Variants in EPHA3 observed in about 807,000 individuals in gnomAD.
The protein encoded by EPHA3 is ephrin type-A receptor 3.
Under a neutral mutation model 107.1 loss-of-function variants are expected in EPHA3, and 42 were observed. That is an observed-to-expected ratio of 0.39 (90% confidence interval 0.31 to 0.51). The LOEUF is 0.51. Ranked by LOEUF, EPHA3 falls within the 20% of genes least tolerant of loss-of-function variation. The probability of loss-of-function intolerance (pLI) is 0.78; values close to 1 mark genes in which losing one functional copy is unlikely to be tolerated. For synonymous variants in EPHA3, 461 were observed against 424.8 expected, an observed-to-expected ratio of 1.09 and a Z score of -1.05; for missense variants, 1,183 against 1,211.2, an observed-to-expected ratio of 0.98 and a Z score of 0.35.
chr3:89,330,249 C>T (rs1001449543), intron 3 of EPHA3, among the ~76,000 whole-genome samples: 2 of 151,746 alleles, frequency 1.3e-5, no homozygotes, highest in South Asian at 2.1e-4. Context: ...AAAAACAGAC[C>T]CTAAAATTAC....
chr3:89,118,174 T>C (rs1480801923), intron 1 of EPHA3, among the ~76,000 whole-genome samples: 2 of 152,060 alleles, frequency 1.3e-5, no homozygotes, highest in Non-Finnish European at 2.9e-5. Context: ...TTTATTATAG[T>C]GTTCTTGACA....
At chr3:89,312,571 T>C (rs1373323653) in intron 3 of EPHA3, among the ~76,000 whole-genome samples, 1 of 151,926 alleles carries the variant, frequency 6.6e-6, no homozygotes, top group Non-Finnish European at 1.5e-5. Flanking sequence ...ATACCCGTTA[T>C]AGTTTCTTTT....
intron 3 of EPHA3, among the ~76,000 whole-genome samples, chr3:89,246,027 T>C (rs968569641): frequency 1.3e-5 from 2 of 152,224 alleles, no homozygotes; most frequent in African/African-American, 4.8e-5. Context: ...CAAGTTCCTC[T>C]TTAATTTTTT....
chr3:89,419,380 T>C lies in EPHA3; in HGVS notation c.2064T>C (p.Val688=). ...DHPNIIRLEG[V]VTKSKPVMIV... ...CCAATATCATTCGACTGGAAGGAGT[T>C]GTTACCAAAAGTAAGTAAAGTAGTC... Residue 688 remains valine (V), a synonymous_variant, in exon 11 of 17, where the codon GTT becomes GTC. Transcript: ENST00000336596. 1.3e-6 allele frequency: 2 copies of C among 1,589,398 alleles called. No individual in the cohort carries two copies. The highest frequency in any genetic ancestry group is 1.7e-6 in the Non-Finnish European group (2 of 1,168,902).
At chr3:89,205,559 C>G (rs1170135179) in intron 2 of EPHA3, among the ~76,000 whole-genome samples, 3 of 152,058 alleles carry the variant, frequency 2.0e-5, no homozygotes, top group Non-Finnish European at 4.4e-5. Flanking sequence ...ATACAAGGAA[C>G]CCTATGTGGT....
At chr3:89,428,263 G>A (rs1709495984) in intron 11 of EPHA3, among the ~76,000 whole-genome samples, 1 of 151,966 alleles carries the variant, frequency 6.6e-6, no homozygotes, top group African/African-American at 2.4e-5. Context: ...CTTGTTAGAT[G>A]TATGATGACC....
At chr3:89,279,201 A>G (rs1211862855) in intron 3 of EPHA3, among the ~76,000 whole-genome samples, 1 of 152,138 alleles carries the variant, frequency 6.6e-6, no homozygotes, top group African/African-American at 2.4e-5. Context: ...TTTTTAATTA[A>G]CATACATACA....
At chr3:89,415,619 T>C (rs991249232) in intron 10 of EPHA3, among the ~76,000 whole-genome samples, 1 of 150,800 alleles carries the variant, frequency 6.6e-6, no homozygotes, top group African/African-American at 2.4e-5. Context: ...TTAAGACATA[T>C]GAATTAGCTT....
intron 3 of EPHA3, among the ~76,000 whole-genome samples, chr3:89,210,823 G>A (rs1704054119): frequency 6.6e-6 from 1 of 152,038 alleles, no homozygotes; most frequent in Non-Finnish European, 1.5e-5. Context: ...AGACCACCTG[G>A]AAGAAAAACA....
intron 10 of EPHA3, among the ~76,000 whole-genome samples, chr3:89,417,681 T>C (rs186304822): frequency 2.4e-4 from 37 of 151,548 alleles, no homozygotes; most frequent in African/African-American, 7.7e-4. Context: ...CCTGATTCTT[T>C]CTGTATCCTA....
At chr3:89,183,358 A>G (rs1237945114) in intron 2 of EPHA3, among the ~76,000 whole-genome samples, 1 of 151,894 alleles carries the variant, frequency 6.6e-6, no homozygotes, top group Non-Finnish European at 1.5e-5. Context: ...ATAGTCCTGG[A>G]TGGTGCTTTG....
chr3:89,160,738 A>T (rs1704917794), intron 2 of EPHA3, among the ~76,000 whole-genome samples: 1 of 152,066 alleles, frequency 6.6e-6, no homozygotes, highest in Non-Finnish European at 1.5e-5. Context: ...CTCTTTGGCA[A>T]CTGCTTTCCA....
At chr3:89,325,921 T>G (rs1412461431) in intron 3 of EPHA3, among the ~76,000 whole-genome samples, 1 of 151,204 alleles carries the variant, frequency 6.6e-6, no homozygotes, top group Non-Finnish European at 1.5e-5. Context: ...TTATATACAG[T>G]TAAGATATTA....
At chr3:89,326,346 G>A (rs1707166384) in intron 3 of EPHA3, among the ~76,000 whole-genome samples, 1 of 152,064 alleles carries the variant, frequency 6.6e-6, no homozygotes, top group Non-Finnish European at 1.5e-5. Flanking sequence ...ATATTATTTA[G>A]GGAACAATGG....
At chr3:89,322,931 G>A (rs1438134686) in intron 3 of EPHA3, among the ~76,000 whole-genome samples, 3 of 151,552 alleles carry the variant, frequency 2.0e-5, no homozygotes, top group Non-Finnish European at 2.9e-5. Flanking sequence ...CATAAAGTAG[G>A]GTGTGGCAAA....
intron 3 of EPHA3, among the ~76,000 whole-genome samples, chr3:89,270,459 T>A (rs1205722600): frequency 6.6e-6 from 1 of 152,120 alleles, no homozygotes; most frequent in Non-Finnish European, 1.5e-5. Context: ...TCTCCTGATC[T>A]ACAGCCAGCC....
chr3:89,456,103 T>A (rs1710093303), intron 15 of EPHA3, among the ~76,000 whole-genome samples: 1 of 152,174 alleles, frequency 6.6e-6, no homozygotes, highest in Admixed American at 6.5e-5. Context: ...TAGAAAAAAT[T>A]CCAGTGTTTT....
chr3:89,401,661 G>A (rs1708966367), intron 7 of EPHA3, among the ~76,000 whole-genome samples: 1 of 152,086 alleles, frequency 6.6e-6, no homozygotes, highest in Admixed American at 6.6e-5. Context: ...AGGATGGAGT[G>A]CAATGGCATG....
At chr3:89,371,721 TACAC>T (rs111924124) in intron 5 of EPHA3, among the ~76,000 whole-genome samples, 57 of 147,582 alleles carry the variant, frequency 3.9e-4, no homozygotes, top group Non-Finnish European at 5.7e-4. Flanking sequence ...GTGATACACA[TACAC>T]ACACACACAC....
Sources: gnomAD v4.1 joint callset for allele counts (sites outside exome capture counted in the v4.1 genomes callset) on GRCh38, gnomAD v4.1.1 for gene constraint, MANE v1.5 for transcripts, NCBI Gene and HGNC (gene_info 2026-07-23, HGNC 2026-07-21) for gene names.